SLC47A2: variants seen among roughly 807,000 people sequenced by gnomAD.
SLC47A2 encodes multidrug and toxin extrusion protein 2.
SLC47A2 carries 52 observed loss-of-function variants against 67.7 expected under a neutral mutation model. The ratio of observed to expected loss-of-function variants is 0.77; its 90% confidence interval spans 0.61 to 0.97. The LOEUF is 0.97. Among genes scored for constraint, SLC47A2 ranks in the 50% least tolerant of loss-of-function variants. The pLI is 0.00. For missense variants in SLC47A2, 676 were observed against 712.3 expected, an observed-to-expected ratio of 0.95 and a Z score of 0.58; for synonymous variants, 278 against 292.9, an observed-to-expected ratio of 0.95 and a Z score of 0.52.
chr17:19,713,995 G>T, intron 3 of SLC47A2, 22 bp from the exon 4 acceptor site: 7 of 1,605,508 alleles, frequency 4.4e-6, no homozygotes, highest in Non-Finnish European at 6.0e-6. Context: ...CCCGCCCCGC[G>T]TCAGCCGTTT....
chr17:19,716,443 G>A lies in SLC47A2; in HGVS notation c.113C>T (p.Ser38Phe), dbSNP rs778950284. The A allele has an allele frequency of 5.6e-6, 9 of 1,610,388 alleles. No individual in the cohort carries two copies. The highest frequency in any genetic ancestry group is 5.5e-5 in the South Asian group (5 of 90,100). Reference protein sequence around the residue: ...GTEMWTLFALSGPLFLFQVLT... With the variant: ...GTEMWTLFALFGPLFLFQVLT... ...GCTCCTCCTCCTTACCAGGGGTCCAGAAAGGGCAAAGAGAGTCCACATCTC... is the reference window on the plus strand; with the variant it reads ...GCTCCTCCTCCTTACCAGGGGTCCAAAAAGGGCAAAGAGAGTCCACATCTC... Residue 38 changes from serine (S) to phenylalanine (F), a missense_variant, in exon 1 of 17, where the codon TCT (serine) becomes TTT (phenylalanine). Transcript: ENST00000433844.
At chr17:19,691,012 C>T (rs1286046306) in intron 13 of SLC47A2, among the ~76,000 whole-genome samples, 1 of 151,954 alleles carries the variant, frequency 6.6e-6, no homozygotes, top group Non-Finnish European at 1.5e-5. Flanking sequence ...ATCCTAGCTA[C>T]TCGGGAAGGC....
intron 5 of SLC47A2, among the ~76,000 whole-genome samples, chr17:19,711,833 AT>A (rs774925283): frequency 2.6e-4 from 39 of 151,358 alleles, no homozygotes; most frequent in East Asian, 9.7e-4. Flanking sequence ...ATTCACAAAG[AT>A]TTTTTTTTAA....
At chr17:19,688,016 A>G (rs1312144012) in intron 13 of SLC47A2, among the ~76,000 whole-genome samples, 1 of 152,228 alleles carries the variant, frequency 6.6e-6, no homozygotes, top group Non-Finnish European at 1.5e-5. Flanking sequence ...GGAGGGAGGA[A>G]TATTTCCAAA....
intron 5 of SLC47A2, among the ~76,000 whole-genome samples, chr17:19,711,821 T>C (rs1390087722): frequency 6.6e-6 from 1 of 152,080 alleles, no homozygotes; most frequent in Non-Finnish European, 1.5e-5. Context: ...ATCTGTAAGA[T>C]GATTCACAAA....
chr17:19,678,373 G>A lies in SLC47A2; in HGVS notation c.*313C>T. On this transcript the variant is annotated 3_prime_UTR_variant, in exon 17 of 17. Transcript: ENST00000433844. ...TGGTTTTTGTGATTTTATCTGCAGT[G>A]TCCCATTTGAAGCCATTTACATTAT... 1 of 337,258 alleles carries A rather than the reference G, an allele frequency of 3.0e-6. No individual in the cohort carries two copies. Among genetic ancestry groups the A allele is most frequent in the Non-Finnish European group, 5.5e-6 (1 of 180,610 alleles). 20.9% of individuals were successfully genotyped at this position (337,258 alleles called of 1,614,324 possible).
chr17:19,705,045 T>A, intron 10 of SLC47A2: 1 of 330,616 alleles, frequency 3.0e-6, no homozygotes. Flanking sequence ...CAGGTTGGTC[T>A]TGAACTCCTG....
At position 19,714,783 on chromosome 17, in the gene SLC47A2, T is replaced by C; in HGVS notation, c.232A>G (p.Asn78Asp). 1 of 1,613,980 alleles carries C rather than the reference T, an allele frequency of 6.2e-7. No homozygotes were observed. Among genetic ancestry groups the C allele is most frequent in the Non-Finnish European group, 8.5e-7 (1 of 1,180,024 alleles). The change falls in exon 3 of 17, where the codon AAT becomes GAT. Residue 78 changes from asparagine (N) to aspartate (D), a missense_variant. Coordinates refer to ENST00000433844, the MANE Select transcript of SLC47A2 (RefSeq NM_001099646.3). ...ASVTLAVAFV[N>D]VCGVSVGVGL... ...ACTCCTACAGAAACTCCGCAGACAT[T>C]GACAAACTGGCGCCACACACAGGAG...
At chr17:19,716,259 C>T (rs1447625355) in intron 1 of SLC47A2, 174 bp downstream of exon 1, 1 of 1,066,618 alleles carries the variant, frequency 9.4e-7, no homozygotes, top group African/African-American at 1.6e-5. Context: ...GGGGATTGTC[C>T]AGAGACAGCT....
intron 13 of SLC47A2, among the ~76,000 whole-genome samples, chr17:19,701,788 C>T (rs1453231019): frequency 1.3e-5 from 2 of 152,090 alleles, no homozygotes; most frequent in Non-Finnish European, 2.9e-5. Context: ...CAAGGCCAGC[C>T]AGGGCTTGGA....
chr17:19,689,819 T>C (rs1461743552), intron 13 of SLC47A2, among the ~76,000 whole-genome samples: 1 of 152,060 alleles, frequency 6.6e-6, no homozygotes, highest in African/African-American at 2.4e-5. Flanking sequence ...TTGGAAGAAT[T>C]AATATTGTTA....
intron 13 of SLC47A2, among the ~76,000 whole-genome samples, chr17:19,691,164 T>C (rs2085532189): frequency 6.7e-6 from 1 of 150,328 alleles, no homozygotes; most frequent in South Asian, 2.1e-4. Flanking sequence ...TTGGTGGGAA[T>C]GTAAATTAGT....
chr17:19,702,478 T>TA, intron 13 of SLC47A2, 127 bp downstream of exon 13: 2 of 1,497,556 alleles, frequency 1.3e-6, no homozygotes, highest in Non-Finnish European at 1.8e-6. Flanking sequence ...TTTGGGCACT[T>TA]ACTATACAGT....
At chr17:19,705,310 A>G in intron 10 of SLC47A2, 126 bp downstream of exon 10, 1 of 991,328 alleles carries the variant, frequency 1.0e-6, no homozygotes, top group South Asian at 1.5e-5. Context: ...CCTGGTGGGC[A>G]CGAGAGGCCC....
chr17:19,714,192 G>A (rs1298594340), intron 3 of SLC47A2, among the ~76,000 whole-genome samples: 1 of 152,188 alleles, frequency 6.6e-6, no homozygotes, highest in Non-Finnish European at 1.5e-5. Flanking sequence ...CAAGGAGGAC[G>A]AAGGCACATG....
At chr17:19,711,109 C>A (rs2086082183) in intron 5 of SLC47A2, among the ~76,000 whole-genome samples, 1 of 151,786 alleles carries the variant, frequency 6.6e-6, no homozygotes, top group Non-Finnish European at 1.5e-5. Flanking sequence ...GCGCCCAGCT[C>A]AAAATTCTTT....
intron 1 of SLC47A2, among the ~76,000 whole-genome samples, chr17:19,715,453 G>A (rs753345716): frequency 1.4e-5 from 1 of 69,708 alleles, no homozygotes; most frequent in Non-Finnish European, 3.6e-5. Flanking sequence ...GCCTGGCGCA[G>A]CGCAGTGCCT....
intron 5 of SLC47A2, among the ~76,000 whole-genome samples, chr17:19,711,269 A>G (rs1167284455): frequency 1.3e-5 from 2 of 152,142 alleles, no homozygotes; most frequent in Non-Finnish European, 2.9e-5. Flanking sequence ...TAATAAGTAC[A>G]TGAGAAAATG....
rs532589444 is a variant in SLC47A2, at chr17:19,697,094, A to G, written c.1164+5511T>C. Among the ~76,000 whole-genome samples, 54 of 152,298 alleles carry G rather than the reference A, an allele frequency of 3.5e-4. 1 individual carries two copies. Among genetic ancestry groups the G allele is most frequent in the African/African-American group, 1.3e-3 (52 of 41,566 alleles). On this transcript the variant is annotated intron_variant, in intron 13 of 16. Transcript: ENST00000433844. ...ATGACGAGGTCAGGAGTTCGAGACC[A>G]TCCTGGCTAACACGGTGAAACCCTG...
Sources: gnomAD v4.1 joint callset for allele counts (sites outside exome capture counted in the v4.1 genomes callset) on GRCh38, gnomAD v4.1.1 for gene constraint, MANE v1.5 for transcripts, NCBI Gene and HGNC (gene_info 2026-07-23, HGNC 2026-07-21) for gene names.